Variants in TBX15 observed in about 807,000 individuals in gnomAD.
TBX15 encodes T-box transcription factor 15.
TBX15 carries 18 observed loss-of-function variants against 53.9 expected under a neutral mutation model. The observed-to-expected ratio is 0.33, with a 90% CI of 0.23 to 0.49. The LOEUF (loss-of-function observed/expected upper bound fraction) is 0.49. Among genes scored for constraint, TBX15 ranks in the 20% least tolerant of loss-of-function variants. The pLI, the probability that TBX15 is intolerant of heterozygous loss-of-function variation, is 0.98. For synonymous variants in TBX15, 295 were observed against 278.0 expected (o/e 1.06, Z -0.61); for missense variants, 692 against 749.5 (o/e 0.92, Z 0.90).
Position 118,987,903 on chromosome 1 carries a change from C to T in TBX15, c.-108G>A, listed in dbSNP as rs377418746. The stretch of plus-strand genomic sequence containing the variant: ...GCCCGGCCCGGGAGAGGCGGAGGCG[C>T]GTCGGACGAGGCTGAGACTGCGGCT... On this transcript the variant is annotated 5_prime_UTR_variant, in exon 1 of 8. Transcript: ENST00000369429. 163 of 1,396,390 alleles carry T rather than the reference C, an allele frequency of 1.2e-4. No homozygotes were observed. The East Asian group carries it at 3.0e-3, about 25-fold the overall frequency. 86.5% of individuals were successfully genotyped at this position (1,396,390 alleles called of 1,614,324 possible). A position where few individuals can be genotyped will look rare whatever the true frequency, so the allele number is the denominator to read the frequency against.
At chr1:118,983,581 G>A (rs1263285070) in intron 1 of TBX15, among the ~76,000 whole-genome samples, 1 of 152,144 alleles carries the variant, frequency 6.6e-6, no homozygotes, top group African/African-American at 2.4e-5. Context: ...TTCACACAAG[G>A]TCACTTACCA....
chr1:118,889,685 T>C (rs796595449), intron 7 of TBX15, among the ~76,000 whole-genome samples: 57 of 152,334 alleles, frequency 3.7e-4, no homozygotes, highest in African/African-American at 1.2e-3. Flanking sequence ...TCCAAGCCTT[T>C]TACATTTTAA....
intron 7 of TBX15, among the ~76,000 whole-genome samples, chr1:118,889,296 T>C (rs1242085880): frequency 1.3e-5 from 2 of 152,208 alleles, no homozygotes; most frequent in African/African-American, 4.8e-5. Context: ...TCCTATGATC[T>C]AACAGCTTGT....
At chr1:118,965,310 A>G (rs1657002446) in intron 1 of TBX15, among the ~76,000 whole-genome samples, 1 of 152,236 alleles carries the variant, frequency 6.6e-6, no homozygotes, top group Non-Finnish European at 1.5e-5. Context: ...TAAGCTCTGT[A>G]TCTGGAAAAA....
chr1:118,907,272 C>T (rs1229098758), intron 6 of TBX15, among the ~76,000 whole-genome samples: 2 of 152,174 alleles, frequency 1.3e-5, no homozygotes, highest in Non-Finnish European at 2.9e-5. Flanking sequence ...AGGTCACAGA[C>T]AGGATGAAGG....
chr1:118,959,558 C>G (rs915533886), intron 1 of TBX15, among the ~76,000 whole-genome samples: 16 of 152,188 alleles, frequency 1.1e-4, no homozygotes, highest in African/African-American at 3.9e-4. Context: ...ACTGCCACTG[C>G]AGCACCTGTT....
At chr1:118,925,622 C>T (rs1400896382) in intron 3 of TBX15, among the ~76,000 whole-genome samples, 1 of 152,140 alleles carries the variant, frequency 6.6e-6, no homozygotes, top group Admixed American at 6.5e-5. Flanking sequence ...TCTAAAGGAC[C>T]ACATGGGACC....
intron 1 of TBX15, among the ~76,000 whole-genome samples, chr1:118,976,080 A>T (rs962561903): frequency 5.9e-5 from 9 of 152,276 alleles, no homozygotes; most frequent in Non-Finnish European, 8.8e-5. Context: ...CAAAAATTTT[A>T]AAAAAGTAGT....
intron 1 of TBX15, among the ~76,000 whole-genome samples, chr1:118,965,174 G>A (rs1432190307): frequency 6.6e-6 from 1 of 152,186 alleles, no homozygotes; most frequent in Non-Finnish European, 1.5e-5. Context: ...TGCACCCCAG[G>A]ATCCTAAAAG....
At chr1:118,956,171 G>C (rs1326861787) in intron 1 of TBX15, among the ~76,000 whole-genome samples, 1 of 152,036 alleles carries the variant, frequency 6.6e-6, no homozygotes, top group South Asian at 2.1e-4. Flanking sequence ...CTTCAGAACT[G>C]TTAGAAATAA....
intron 1 of TBX15, among the ~76,000 whole-genome samples, chr1:118,975,794 A>G (rs1657408696): frequency 6.6e-6 from 1 of 152,224 alleles, no homozygotes. Flanking sequence ...GACACTGAGC[A>G]AAGACAATGC....
chr1:118,884,630 G>A lies in TBX15; in HGVS notation c.*102C>T. 7.8e-7 allele frequency: 1 copy of A among 1,278,750 alleles called. No homozygotes were observed. Among genetic ancestry groups the A allele is most frequent in the Non-Finnish European group, 1.1e-6 (1 of 913,934 alleles). The allele number at this position is 1,278,750 out of a possible 1,614,324, so 79.2% of individuals were successfully genotyped here. A position where few individuals can be genotyped will look rare whatever the true frequency, so the allele number is the denominator to read the frequency against. On this transcript the variant is annotated 3_prime_UTR_variant, in exon 8 of 8. Transcript: ENST00000369429. ...GAAAAAAAAAAAAAAAAAAAACACG[G>A]TTCCTGTTTTTCAAAGACACTGGAC...
intron 1 of TBX15, among the ~76,000 whole-genome samples, chr1:118,975,752 A>G (rs1657401722): frequency 6.6e-6 from 1 of 152,244 alleles, no homozygotes; most frequent in Non-Finnish European, 1.5e-5. Context: ...TGTGCTCTCA[A>G]TCCATGAAAG....
At chr1:118,973,773 TAC>T (rs138008763) in intron 1 of TBX15, among the ~76,000 whole-genome samples, 2 of 151,212 alleles carry the variant, frequency 1.3e-5, no homozygotes, top group Non-Finnish European at 1.5e-5. Flanking sequence ...CCTACACACA[TAC>T]ACACACACAC....
intron 1 of TBX15, among the ~76,000 whole-genome samples, chr1:118,941,786 AATCCACCATAGCACACAGC>A (rs1349954366): frequency 3.3e-5 from 5 of 152,166 alleles, no homozygotes; most frequent in African/African-American, 1.2e-4. Context: ...GAATAGTCAA[AATCCACCATAGCACACAGC>A]ATGCTGGGGC....
In TBX15 at chr1:118,884,599, C is replaced by T. The variant is rs1049098081; in HGVS notation, c.*133G>A. The T allele has an allele frequency of 5.6e-5, 61 of 1,079,738 alleles. No homozygotes were observed. Among genetic ancestry groups the T allele is most frequent in the African/African-American group, 7.2e-5 (4 of 55,314 alleles). 66.9% of individuals were successfully genotyped at this position (1,079,738 alleles called of 1,614,324 possible). ...TCTCTTGTTCTTGGGTATATGTCTT[C>T]GGCCAGAAAAAAAAAAAAAAAAAAA... On this transcript the variant is annotated 3_prime_UTR_variant, in exon 8 of 8. Transcript: ENST00000369429.
At chr1:118,934,092 T>G in intron 1 of TBX15, among the ~76,000 whole-genome samples, 1 of 152,164 alleles carries the variant, frequency 6.6e-6, no homozygotes, top group South Asian at 2.1e-4. Flanking sequence ...CTTAACTCAG[T>G]ATGTCATCTG....
At chr1:118,968,136 T>C (rs528254615) in intron 1 of TBX15, among the ~76,000 whole-genome samples, 1 of 152,316 alleles carries the variant, frequency 6.6e-6, no homozygotes, top group African/African-American at 2.4e-5. Context: ...CTTTTTCTCC[T>C]GGGAATTCCT....
intron 1 of TBX15, among the ~76,000 whole-genome samples, chr1:118,960,333 G>T (rs1292690696): frequency 5.3e-5 from 8 of 152,286 alleles, no homozygotes; most frequent in Non-Finnish European, 1.0e-4. Context: ...AGTTTCGAGA[G>T]CCCCATGCAT....
Sources: gnomAD v4.1 joint callset for allele counts (sites outside exome capture counted in the v4.1 genomes callset) on GRCh38, gnomAD v4.1.1 for gene constraint, MANE v1.5 for transcripts, NCBI Gene and HGNC (gene_info 2026-07-23, HGNC 2026-07-21) for gene names.